The following PCDH9 variants were observed in gnomAD, a reference collection of about 807,000 sequenced individuals.
The protein encoded by PCDH9 is protocadherin 9.
Under a neutral mutation model 70.6 loss-of-function variants are expected in PCDH9, and 24 were observed. The ratio of observed to expected loss-of-function variants is 0.34; its 90% CI spans 0.25 to 0.48. PCDH9 has a LOEUF of 0.48. PCDH9 is among the 20% of genes least tolerant of loss of function. The probability of loss-of-function intolerance (pLI) is 0.99; values close to 1 mark genes in which losing one functional copy is unlikely to be tolerated. For missense variants in PCDH9, 1,281 were observed against 1,503.6 expected (o/e 0.85, Z 2.45); for synonymous variants, 562 against 558.5 (o/e 1.01, Z -0.09).
At chr13:66,780,498 T>G (rs1180711680) in intron 3 of PCDH9, among the ~76,000 whole-genome samples, 1 of 152,102 alleles carries the variant, frequency 6.6e-6, no homozygotes, top group African/African-American at 2.4e-5. Context: ...ACAGGTCCAT[T>G]CTCTCAAATG....
intron 2 of PCDH9, among the ~76,000 whole-genome samples, chr13:67,076,768 A>G (rs979660513): frequency 2.0e-5 from 3 of 152,174 alleles, no homozygotes; most frequent in South Asian, 4.1e-4. Context: ...GAAGAATGAT[A>G]TATTTTATTT....
chr13:66,480,744 C>T (rs533476505), intron 4 of PCDH9, among the ~76,000 whole-genome samples: 3 of 152,236 alleles, frequency 2.0e-5, no homozygotes, highest in African/African-American at 7.2e-5. Context: ...TTGTGGAAGA[C>T]AGTGTGGCAA....
intron 3 of PCDH9, among the ~76,000 whole-genome samples, chr13:66,872,726 G>C (rs930769289): frequency 1.3e-5 from 2 of 151,990 alleles, no homozygotes; most frequent in African/African-American, 4.8e-5. Flanking sequence ...CAAATTCTGT[G>C]GGATTCAACT....
At position 67,225,520 on chromosome 13, in the gene PCDH9, A is replaced by G; in HGVS notation, c.2921T>C (p.Val974Ala). The change falls in exon 2 of 5, where the codon GTT becomes GCT. Residue 974 changes from valine to alanine, a missense_variant. Val to Ala is a moderately conservative substitution (Grantham distance 64). Transcript: ENST00000377865. ...IQELPLDNTF[V>A]GGCDTLSKRS... ...TTTAGAAAGGGTGTCACAACCCCCAACAAAGGTGTTGTCCAAAGGGAGTTC... is the reference window on the plus strand; with the variant it reads ...TTTAGAAAGGGTGTCACAACCCCCAGCAAAGGTGTTGTCCAAAGGGAGTTC... 6.2e-7 allele frequency: 1 copy of G among 1,614,030 alleles called. No individual in the cohort carries two copies. The highest frequency in any genetic ancestry group is 8.5e-7 in the Non-Finnish European group (1 of 1,179,920).
chr13:66,760,548 A>G (rs2079608540), intron 3 of PCDH9, among the ~76,000 whole-genome samples: 1 of 152,162 alleles, frequency 6.6e-6, no homozygotes. Flanking sequence ...GATGTATGTC[A>G]CCTCAGGACC....
intron 3 of PCDH9, among the ~76,000 whole-genome samples, chr13:66,659,845 G>GC (rs1566488045): frequency 6.6e-6 from 1 of 151,992 alleles, no homozygotes; most frequent in Non-Finnish European, 1.5e-5. Flanking sequence ...TAGGACTAGC[G>GC]CATGTACAAG....
chr13:66,636,686 G>T (rs1202245768), intron 3 of PCDH9, among the ~76,000 whole-genome samples: 1 of 151,854 alleles, frequency 6.6e-6, no homozygotes, highest in Non-Finnish European at 1.5e-5. Context: ...TAATTCCCTT[G>T]CCATGCTTGA....
chr13:66,374,164 C>A (rs967378365), intron 4 of PCDH9, among the ~76,000 whole-genome samples: 4 of 151,920 alleles, frequency 2.6e-5, no homozygotes, highest in Non-Finnish European at 5.9e-5. Flanking sequence ...AATATAGACT[C>A]AAAAATCTGA....
intron 3 of PCDH9, among the ~76,000 whole-genome samples, chr13:66,900,441 G>C (rs907725424): frequency 6.6e-6 from 1 of 151,764 alleles, no homozygotes; most frequent in African/African-American, 2.4e-5. Context: ...GAGTTAAATT[G>C]GCAGCATTTT....
chr13:66,519,789 C>T (rs1387573111), intron 4 of PCDH9, among the ~76,000 whole-genome samples: 4 of 152,006 alleles, frequency 2.6e-5, no homozygotes, highest in African/African-American at 4.8e-5. Flanking sequence ...TTTTGCAGAC[C>T]GAAGCAGCTC....
intron 2 of PCDH9, chr13:66,977,523 T>C (rs915840694): frequency 6.6e-6 from 1 of 152,146 alleles, no homozygotes; most frequent in African/African-American, 2.4e-5. Context: ...TATTAAGTTA[T>C]TGCCCAAGGT....
At chr13:67,143,983 A>C (rs2087460106) in intron 2 of PCDH9, among the ~76,000 whole-genome samples, 1 of 152,198 alleles carries the variant, frequency 6.6e-6, no homozygotes, top group Non-Finnish European at 1.5e-5. Flanking sequence ...CACACTTTCC[A>C]TCTCCTCCCT....
intron 4 of PCDH9, among the ~76,000 whole-genome samples, chr13:66,353,967 T>A (rs1956338360): frequency 6.6e-6 from 1 of 152,186 alleles, no homozygotes; most frequent in Non-Finnish European, 1.5e-5. Flanking sequence ...AATCCTCTTA[T>A]TAGAATCTAA....
chr13:66,989,226 T>A (rs1427759100), intron 2 of PCDH9, among the ~76,000 whole-genome samples: 1 of 151,924 alleles, frequency 6.6e-6, no homozygotes, highest in Admixed American at 6.6e-5. Context: ...AGCTGGGATG[T>A]GGAATATTTT....
intron 3 of PCDH9, among the ~76,000 whole-genome samples, chr13:66,701,817 A>C (rs2078651659): frequency 6.6e-6 from 1 of 152,176 alleles, no homozygotes; most frequent in African/African-American, 2.4e-5. Flanking sequence ...AATTCATTTA[A>C]TGCTGGTTAA....
chr13:66,515,775 T>C (rs977707424), intron 4 of PCDH9, among the ~76,000 whole-genome samples: 1 of 152,002 alleles, frequency 6.6e-6, no homozygotes, highest in Non-Finnish European at 1.5e-5. Flanking sequence ...ATTGTAAACA[T>C]GTTTTGTACA....
chr13:66,862,136 C>T (rs181084770), intron 3 of PCDH9, among the ~76,000 whole-genome samples: 43 of 152,260 alleles, frequency 2.8e-4, no homozygotes, highest in African/African-American at 1.0e-3. Context: ...GTTACCTTTA[C>T]ATTAGCTTTG....
intron 3 of PCDH9, among the ~76,000 whole-genome samples, chr13:66,853,180 CA>C (rs1171837296): frequency 6.9e-6 from 1 of 145,672 alleles, no homozygotes; most frequent in Non-Finnish European, 1.5e-5. Flanking sequence ...GTTAGTTTAC[CA>C]GTCAAAATCT....
At position 67,226,598 on chromosome 13, in the gene PCDH9, T is replaced by C; in HGVS notation, c.1843A>G (p.Asn615Asp). 6.2e-7 allele frequency: 1 copy of C among 1,614,068 alleles called. No homozygotes were observed. Among genetic ancestry groups the C allele is most frequent in the East Asian group, 2.2e-5 (1 of 44,878 alleles). ...TAGGGATCCAACACAAAATTATCAT[T>C]GTCATTTAGAATGGAAAGAGTCACA... is the stretch of plus-strand genomic sequence containing the variant. The part of the protein sequence containing the change: ...KAVTLSILND[N>D]DNFVLDPYSG... Residue 615 changes from asparagine (N) to aspartate (D), a missense_variant, in exon 2 of 5, where the codon AAT (asparagine) becomes GAT (aspartate). Coordinates refer to ENST00000377865, the MANE Select transcript of PCDH9 (RefSeq NM_203487.3). The surrounding 1 kb of genome is among the most constrained non-coding windows in gnomAD (Gnocchi z 5.0).
Sources: gnomAD v4.1 joint callset for allele counts (sites outside exome capture counted in the v4.1 genomes callset) on GRCh38, gnomAD v4.1.1 for gene constraint, Gnocchi (gnomAD v3.1) non-coding constraint, MANE v1.5 for transcripts, NCBI Gene and HGNC (gene_info 2026-07-23, HGNC 2026-07-21) for gene names.